The following KCNIP4 variants were observed in gnomAD, a reference collection of about 807,000 sequenced individuals.
KCNIP4 encodes Kv channel-interacting protein 4.
KCNIP4 carries 12 observed loss-of-function variants against 34.0 expected under a neutral mutation model. The ratio of observed to expected loss-of-function variants is 0.35; its 90% CI spans 0.23 to 0.57. KCNIP4 has a LOEUF of 0.57. KCNIP4 is among the 20% of genes least tolerant of loss of function. The pLI, the probability that KCNIP4 is intolerant of heterozygous loss-of-function variation, is 0.83. For missense variants in KCNIP4, 238 were observed against 311.7 expected (o/e 0.76, Z 1.78); for synonymous variants, 124 against 102.2 (o/e 1.21, Z -1.29).
intron 1 of KCNIP4, among the ~76,000 whole-genome samples, chr4:21,855,024 C>A (rs1457387300): frequency 6.6e-6 from 1 of 152,124 alleles, no homozygotes; most frequent in African/African-American, 2.4e-5. Flanking sequence ...TTTGCCCCTG[C>A]CAACTCTTCT....
At chr4:21,466,455 C>T (rs1163476055) in intron 1 of KCNIP4, among the ~76,000 whole-genome samples, 1 of 152,222 alleles carries the variant, frequency 6.6e-6, no homozygotes, top group South Asian at 2.1e-4. Context: ...TGTTATCTGG[C>T]ATTTTATCAA....
intron 1 of KCNIP4, among the ~76,000 whole-genome samples, chr4:21,015,179 A>C (rs1292918177): frequency 6.6e-6 from 1 of 151,804 alleles, no homozygotes; most frequent in Non-Finnish European, 1.5e-5. Context: ...GTTTGAGATG[A>C]TAAAAATATT....
intron 1 of KCNIP4, among the ~76,000 whole-genome samples, chr4:21,911,154 A>G (rs921811427): frequency 6.6e-6 from 1 of 152,184 alleles, no homozygotes; most frequent in Admixed American, 6.6e-5. Flanking sequence ...TCTTTACAAA[A>G]AAGGAGTTCA....
chr4:21,468,896 C>T (rs527835701), intron 1 of KCNIP4, among the ~76,000 whole-genome samples: 266 of 152,272 alleles, frequency 1.7e-3, no homozygotes, highest in Non-Finnish European at 3.1e-3. Context: ...GTTTGTCTCA[C>T]ATTGCTCAAC....
chr4:21,726,031 G>A (rs10028154), intron 1 of KCNIP4, among the ~76,000 whole-genome samples: 56,837 of 151,874 alleles, frequency 0.37, 12,139 homozygotes, highest in East Asian at 0.67. Context: ...ATAGGTTAGA[G>A]GTATACATAT....
At chr4:21,035,958 T>A (rs1741409991) in intron 1 of KCNIP4, among the ~76,000 whole-genome samples, 1 of 152,190 alleles carries the variant, frequency 6.6e-6, no homozygotes, top group Admixed American at 6.5e-5. Flanking sequence ...CCTAGCTCTC[T>A]TGCCTTAAGT....
chr4:21,654,195 T>A (rs1747733522), intron 1 of KCNIP4, among the ~76,000 whole-genome samples: 1 of 152,250 alleles, frequency 6.6e-6, no homozygotes, highest in Admixed American at 6.5e-5. Flanking sequence ...GTATACAGAA[T>A]GAAATGTAAT....
intron 1 of KCNIP4, among the ~76,000 whole-genome samples, chr4:21,013,951 C>T (rs1194935416): frequency 6.6e-6 from 1 of 152,164 alleles, no homozygotes; most frequent in Admixed American, 6.5e-5. Flanking sequence ...CCCTTTACTT[C>T]TCTGAGCCTT....
At chr4:20,969,473 A>C (rs942225456) in intron 1 of KCNIP4, among the ~76,000 whole-genome samples, 2 of 152,136 alleles carry the variant, frequency 1.3e-5, no homozygotes, top group South Asian at 4.1e-4. Context: ...GCAGTGACCC[A>C]AACCCCCGGT....
intron 1 of KCNIP4, among the ~76,000 whole-genome samples, chr4:21,820,042 T>G (rs1307798732): frequency 6.6e-6 from 1 of 151,868 alleles, no homozygotes; most frequent in African/African-American, 2.4e-5. Flanking sequence ...GCATTTTCAT[T>G]AAAAATAATG....
intron 1 of KCNIP4, among the ~76,000 whole-genome samples, chr4:21,425,496 A>G (rs1053990496): frequency 6.6e-6 from 1 of 152,184 alleles, no homozygotes; most frequent in African/African-American, 2.4e-5. Flanking sequence ...AGTGGTAAGA[A>G]TTTATTTAAG....
chr4:20,791,366 G>T (rs1712733075), intron 3 of KCNIP4, among the ~76,000 whole-genome samples: 1 of 152,102 alleles, frequency 6.6e-6, no homozygotes, highest in Non-Finnish European at 1.5e-5. Context: ...GAAGAGCAAT[G>T]AAAGTAGTAA....
At chr4:21,432,125 T>C (rs1560399639) in intron 1 of KCNIP4, among the ~76,000 whole-genome samples, 1 of 105,482 alleles carries the variant, frequency 9.5e-6, no homozygotes, top group Non-Finnish European at 2.0e-5. Flanking sequence ...TATATATATA[T>C]ATATATATAT....
chr4:21,797,629 T>C (rs73256561), intron 1 of KCNIP4, among the ~76,000 whole-genome samples: 52,656 of 152,096 alleles, frequency 0.35, 10,803 homozygotes, highest in Non-Finnish European at 0.48. Context: ...AGGATGTCAT[T>C]GTTATATTTG....
At chr4:21,731,021 G>A (rs1163962181) in intron 1 of KCNIP4, among the ~76,000 whole-genome samples, 1 of 151,676 alleles carries the variant, frequency 6.6e-6, no homozygotes, top group African/African-American at 2.4e-5. Context: ...GGCTAAGGTT[G>A]GAGTATCACC....
chr4:21,623,977 T>A (rs1352639772), intron 1 of KCNIP4, among the ~76,000 whole-genome samples: 1 of 152,140 alleles, frequency 6.6e-6, no homozygotes, highest in Non-Finnish European at 1.5e-5. Context: ...TGGGTGATGG[T>A]GATATATATA....
intron 1 of KCNIP4, among the ~76,000 whole-genome samples, chr4:21,420,328 T>C (rs1394048320): frequency 2.6e-5 from 4 of 152,212 alleles, no homozygotes; most frequent in African/African-American, 7.2e-5. Context: ...TTCACTGCAA[T>C]CTAGGCTGTC....
chr4:21,103,301 T>A (rs60305847), intron 1 of KCNIP4, among the ~76,000 whole-genome samples: 42,426 of 145,904 alleles, frequency 0.29, 6,789 homozygotes, highest in African/African-American at 0.44. Flanking sequence ...ATTATATATA[T>A]AACATATATA....
chr4:21,442,967 A>G (rs1727619081), intron 1 of KCNIP4, among the ~76,000 whole-genome samples: 1 of 152,208 alleles, frequency 6.6e-6, no homozygotes, highest in South Asian at 2.1e-4. Flanking sequence ...ATCTCAGTTA[A>G]TGGCAAATTC....
Sources: gnomAD v4.1 joint callset for allele counts (sites outside exome capture counted in the v4.1 genomes callset) on GRCh38, gnomAD v4.1.1 for gene constraint, MANE v1.5 for transcripts, NCBI Gene and HGNC (gene_info 2026-07-23, HGNC 2026-07-21) for gene names.